CCNT2: variants seen among roughly 807,000 people sequenced by gnomAD.
CCNT2 encodes cyclin T2.
A neutral mutation model predicts 70.0 loss-of-function variants in CCNT2; 18 were observed. The ratio of observed to expected loss-of-function variants is 0.26; its 90% CI spans 0.18 to 0.38. CCNT2 has a LOEUF of 0.38. Among genes scored for constraint, CCNT2 ranks in the 10% least tolerant of loss-of-function variants. The probability of loss-of-function intolerance (pLI) is 1.00; values close to 1 mark genes in which losing one functional copy is unlikely to be tolerated. For missense variants in CCNT2, 734 were observed against 890.2 expected, an observed-to-expected ratio of 0.82 and a Z score of 2.23; for synonymous variants, 334 against 313.3, an observed-to-expected ratio of 1.07 and a Z score of -0.70.
At chr2:134,923,015 T>C (rs1472718882) in intron 2 of CCNT2, among the ~76,000 whole-genome samples, 2 of 152,216 alleles carry the variant, frequency 1.3e-5, no homozygotes, top group Admixed American at 1.3e-4. Flanking sequence ...GCATGGTAGC[T>C]AATGCCTGTA....
chr2:134,931,262 CTTTTTTTTTTTTTTTTTTT>C (rs112471982), intron 2 of CCNT2, among the ~76,000 whole-genome samples: 2 of 42,426 alleles, frequency 4.7e-5, no homozygotes, highest in East Asian at 3.8e-3. Flanking sequence ...ATGCCCGGAT[CTTTTTTTTTTTTTTTTTTT>C]TTTTTTGGTA....
At chr2:134,932,889 C>T (rs754324935) in intron 2 of CCNT2, among the ~76,000 whole-genome samples, 56 of 152,200 alleles carry the variant, frequency 3.7e-4, no homozygotes, top group African/African-American at 9.9e-4. Flanking sequence ...TAAGGTTATA[C>T]AACTATCCCT....
chr2:134,951,138 G>A (rs1405726814), intron 7 of CCNT2, among the ~76,000 whole-genome samples: 1 of 151,656 alleles, frequency 6.6e-6, no homozygotes, highest in Non-Finnish European at 1.5e-5. Flanking sequence ...CTTTAGCAGG[G>A]ACTAGTCATG....
chr2:134,939,013 A>G lies in CCNT2; in HGVS notation c.381A>G (p.Gln127=), dbSNP rs747883744. The change falls in exon 4 of 9, where the codon CAA becomes CAG. Residue 127 remains glutamine (Q), a synonymous_variant. Coordinates refer to ENST00000264157, the MANE Select transcript of CCNT2 (RefSeq NM_058241.3). ...TTTTTATCTGACAGGCTTACCTTCA[A>G]CAGACTCAAGAACTGGTTATACTTG... ...LLDTKCDAYL[Q]QTQELVILET... is the part of the protein sequence containing the mutation. The G allele has an allele frequency of 6.8e-6, 11 of 1,608,392 alleles. No homozygotes were observed. Among genetic ancestry groups the G allele is most frequent in the African/African-American group, 1.3e-5 (1 of 74,812 alleles).
At chr2:134,930,073 A>G (rs189336401) in intron 2 of CCNT2, among the ~76,000 whole-genome samples, 10 of 152,162 alleles carry the variant, frequency 6.6e-5, no homozygotes, top group African/African-American at 2.4e-4. Context: ...AAGTTGTACA[A>G]CTATCACCAC....
At chr2:134,935,598 A>G (rs1681090423) in intron 2 of CCNT2, among the ~76,000 whole-genome samples, 1 of 152,210 alleles carries the variant, frequency 6.6e-6, no homozygotes, top group Admixed American at 6.5e-5. Flanking sequence ...AAATCTTGAC[A>G]TTTAGAAATT....
At position 134,957,350 on chromosome 2, in the gene CCNT2, G is replaced by T. The variant is rs1343162501; in HGVS notation, c.*2702G>T. 3 of 152,086 alleles carry T rather than the reference G, an allele frequency of 2.0e-5. No homozygotes were observed. The highest frequency in any genetic ancestry group is 4.4e-5 in the Non-Finnish European group (3 of 67,998). 9.4% of individuals were successfully genotyped at this position (152,086 alleles called of 1,614,324 possible). On this transcript the variant is annotated 3_prime_UTR_variant, in exon 9 of 9. Coordinates refer to ENST00000264157, the MANE Select transcript of CCNT2 (RefSeq NM_058241.3). ...GTACTGTTAAGGTGATAACATTTTT[G>T]ATGAGATTTAAAAAAATATTTGAAA...
At chr2:134,931,608 T>C (rs946692456) in intron 2 of CCNT2, among the ~76,000 whole-genome samples, 1 of 152,120 alleles carries the variant, frequency 6.6e-6, no homozygotes, top group Admixed American at 6.6e-5. Context: ...GCTGGGATTT[T>C]TATAGGGATG....
Position 134,936,159 on chromosome 2 carries a change from T to G in CCNT2, c.241-682T>G, listed in dbSNP as rs536124863. ...CTTGATCCGCTTTTCATCTTTTTTT[T>G]TTTTTTTCAGGTATAGCATCATCTT... On this transcript the variant is annotated intron_variant, in intron 2 of 8. Coordinates refer to ENST00000264157, the MANE Select transcript of CCNT2 (RefSeq NM_058241.3). Among the ~76,000 whole-genome samples the G allele has an allele frequency of 9.5e-4, 144 of 152,002 alleles. 3 individuals are homozygous for G. The highest frequency in any genetic ancestry group is 3.2e-3 in the African/African-American group (134 of 41,480).
At chr2:134,944,147 T>C in intron 5 of CCNT2, 6 of 984,240 alleles carry the variant, frequency 6.1e-6, no homozygotes, top group Non-Finnish European at 7.2e-6. Flanking sequence ...TTCATGGTTA[T>C]ATCAGCGTGT....
rs1238206593 is a variant in CCNT2 at position 134,958,672 on chromosome 2, TGTTA to T, written c.*4028_*4031del. 1 of 152,252 alleles carries T rather than the reference TGTTA, an allele frequency of 6.6e-6. No individual in the cohort carries two copies. The highest frequency in any genetic ancestry group is 1.5e-5 in the Non-Finnish European group (1 of 68,044). The allele number at this position is 152,252 out of a possible 1,614,324, so 9.4% of individuals were successfully genotyped here. ...GAAGCCGAAATCAAAAGGTTGCTTT[TGTTA>T]GTTTCCCTGGAGCATCTATTTTTGT... is the stretch of plus-strand genomic sequence containing the variant. On this transcript the variant is annotated 3_prime_UTR_variant, in exon 9 of 9. Coordinates refer to ENST00000264157, the MANE Select transcript of CCNT2 (RefSeq NM_058241.3).
intron 2 of CCNT2, among the ~76,000 whole-genome samples, chr2:134,922,967 T>C (rs1469068979): frequency 1.3e-5 from 2 of 152,158 alleles, no homozygotes; most frequent in Non-Finnish European, 2.9e-5. Context: ...CAGAACTCCA[T>C]GTATAATATG....
rs377007987 is a variant in CCNT2 at position 134,950,455 on chromosome 2, A to G, written c.704-2186A>G. 4.6e-5 allele frequency among the ~76,000 whole-genome samples: 7 copies of G among 152,258 alleles called. No homozygotes were observed. The East Asian group carries it at 1.4e-3, about 29-fold the overall frequency. On this transcript the variant is annotated intron_variant, in intron 7 of 8. Transcript: ENST00000264157. ...GGAGTTTGAGCCCAGCCTGAGCAAC[A>G]TGGCAAAACCACGTTTCTACTAAAA... is the stretch of plus-strand genomic sequence containing the variant.
In CCNT2 at chr2:134,925,839, T is replaced by C. The variant is rs534884221; in HGVS notation, c.240+5948T>C. ...ATGGTAACTCTAGATTCCAATAATA[T>C]TGGAAACTTGGATAGCTGCCTTTTT... On this transcript the variant is annotated intron_variant, in intron 2 of 8. Transcript: ENST00000264157. 3.3e-5 allele frequency among the ~76,000 whole-genome samples: 5 copies of C among 151,504 alleles called. No individual in the cohort carries two copies. The South Asian group carries it at 6.2e-4, about 19-fold the overall frequency.
intron 4 of CCNT2, among the ~76,000 whole-genome samples, chr2:134,942,340 A>G (rs900168623): frequency 3.3e-5 from 5 of 152,068 alleles, no homozygotes; most frequent in Non-Finnish European, 7.4e-5. Context: ...TTTGCCAGGA[A>G]TTTAATTTGT....
rs746450130 is a variant in CCNT2 at position 134,947,872 on chromosome 2, C to G, written c.676C>G (p.Pro226Ala). ...DGKHWWEYVD[P>A]TVTLELLDEL... ...AAAGCATTGGTGGGAATATGTGGAT[C>G]CTACAGTTACTCTAGAATTATTAGA... The change falls in exon 7 of 9, where the codon CCT (proline) becomes GCT (alanine). Residue 226 changes from proline to alanine, a missense_variant. This residue lies in a region of CCNT2 where 161 missense variants were observed against 303.8 expected (regional missense o/e 0.53). Coordinates refer to ENST00000264157, the MANE Select transcript of CCNT2 (RefSeq NM_058241.3). 4.0e-6 allele frequency: 6 copies of G among 1,515,532 alleles called. No homozygotes were observed. The highest frequency in any genetic ancestry group is 5.4e-6 in the Non-Finnish European group (6 of 1,114,922). The allele number at this position is 1,515,532 out of a possible 1,614,324, so 93.9% of individuals were successfully genotyped here.
In CCNT2 at chr2:134,954,259, C is replaced by G; in HGVS notation, c.1804C>G (p.Pro602Ala). The change falls in exon 9 of 9, where the codon CCT becomes GCT. Residue 602 changes from proline (P) to alanine (A), a missense_variant. Pro to Ala is a conservative substitution (Grantham distance 27). Coordinates refer to ENST00000264157, the MANE Select transcript of CCNT2 (RefSeq NM_058241.3). Reference protein sequence around the residue: ...DGIPPTVLRSPVGLSSDGISS... With the variant: ...DGIPPTVLRSAVGLSSDGISS... ...AATACCACCCACTGTTCTGAGGAGT[C>G]CTGTTGGCCTGAGCAGTGATGGCAT... 6.2e-7 allele frequency: 1 copy of G among 1,614,156 alleles called. No homozygotes were observed. The highest frequency in any genetic ancestry group is 8.5e-7 in the Non-Finnish European group (1 of 1,180,018).
intron 7 of CCNT2, among the ~76,000 whole-genome samples, chr2:134,949,890 G>T (rs1056204253): frequency 1.3e-5 from 2 of 151,728 alleles, no homozygotes; most frequent in Non-Finnish European, 2.9e-5. Flanking sequence ...CCGCCTCCCG[G>T]GTTCAAGCAG....
intron 4 of CCNT2, among the ~76,000 whole-genome samples, chr2:134,940,273 T>C (rs956494888): frequency 6.6e-6 from 1 of 152,150 alleles, no homozygotes; most frequent in Non-Finnish European, 1.5e-5. Context: ...TACATGGATT[T>C]TTTTCAATAA....
Sources: gnomAD v4.1 joint callset for allele counts (sites outside exome capture counted in the v4.1 genomes callset) on GRCh38, gnomAD v4.1.1 for gene constraint, gnomAD v4.1.1 regional missense constraint, MANE v1.5 for transcripts, NCBI Gene and HGNC (gene_info 2026-07-23, HGNC 2026-07-21) for gene names.